Variants in ERI3 observed in about 807,000 individuals in gnomAD.
ERI3 encodes the protein ERI1 exoribonuclease family member 3.
ERI3 carries 18 observed loss-of-function variants against 44.4 expected under a neutral mutation model. The observed-to-expected ratio is 0.41, with a 90% CI of 0.28 to 0.60. ERI3 has a LOEUF of 0.60. ERI3 is among the 20% of genes least tolerant of loss of function. ERI3 has a pLI of 0.36. For synonymous variants in ERI3, 183 were observed against 164.8 expected, an observed-to-expected ratio of 1.11 and a Z score of -0.84; for missense variants, 294 against 435.5, an observed-to-expected ratio of 0.68 and a Z score of 2.89.
chr1:44,306,962 GC>G (rs1313086252), intron 6 of ERI3, among the ~76,000 whole-genome samples: 3 of 152,206 alleles, frequency 2.0e-5, no homozygotes, highest in Admixed American at 6.5e-5. Flanking sequence ...ACTCAAAGCT[GC>G]CCAGGACGCT....
At chr1:44,243,918 T>C (rs1259082472) in intron 8 of ERI3, 4 of 152,180 alleles carry the variant, frequency 2.6e-5, no homozygotes, top group East Asian at 1.9e-4. Flanking sequence ...TCAGATGGGC[T>C]TGGGTTTGAA....
chr1:44,344,124 G>C (rs887438825), intron 2 of ERI3, among the ~76,000 whole-genome samples: 1 of 151,804 alleles, frequency 6.6e-6, no homozygotes. Context: ...CTGTAATCCA[G>C]TGACTCAGGG....
rs958801889 is a variant in ERI3, at chr1:44,252,984, G to A, written c.832-4946C>T. ...CTTTAACCATACCTCTGGATGACTT[G>A]TCACCCTGCAGGTGATTGCTCAAGA... On this transcript the variant is annotated intron_variant, in intron 7 of 8. Coordinates refer to ENST00000372257, the MANE Select transcript of ERI3 (RefSeq NM_024066.3). This position sits in a 1 kb window ranked among gnomAD's most constrained non-coding sequence, Gnocchi z 4.7. Among the ~76,000 whole-genome samples the A allele has an allele frequency of 6.6e-6, 1 of 152,180 alleles. No individual in the cohort carries two copies. Among genetic ancestry groups the A allele is most frequent in the Non-Finnish European group, 1.5e-5 (1 of 68,038 alleles).
At chr1:44,277,961 T>C (rs1416349223) in intron 7 of ERI3, among the ~76,000 whole-genome samples, 8 of 152,218 alleles carry the variant, frequency 5.3e-5, no homozygotes, top group Admixed American at 2.0e-4. Flanking sequence ...GTGAGCCACA[T>C]ATGAAACTTA....
At chr1:44,293,029 G>A (rs1394570906) in intron 6 of ERI3, among the ~76,000 whole-genome samples, 3 of 152,264 alleles carry the variant, frequency 2.0e-5, no homozygotes, top group Admixed American at 6.5e-5. Context: ...GCCACTGCCT[G>A]TCAGGGAACA....
chr1:44,310,963 G>GCGCGCGCGCA (rs1373873768), intron 5 of ERI3, among the ~76,000 whole-genome samples: 4 of 123,200 alleles, frequency 3.2e-5, no homozygotes, highest in Admixed American at 7.9e-5. Flanking sequence ...GCGCGCGCGC[G>GCGCGCGCGCA]CACACACACA....
intron 7 of ERI3, among the ~76,000 whole-genome samples, chr1:44,278,403 G>C (rs577923439): frequency 6.6e-6 from 1 of 151,540 alleles, no homozygotes; most frequent in South Asian, 2.1e-4. Flanking sequence ...CTTGAACCCA[G>C]GAGGCAGAGG....
chr1:44,314,643 G>A (rs928148266), intron 4 of ERI3, among the ~76,000 whole-genome samples: 6 of 152,174 alleles, frequency 3.9e-5, no homozygotes, highest in Non-Finnish European at 5.9e-5. Flanking sequence ...GAGAAGAAAA[G>A]ATGGTCCGCT....
rs1646693887 is a variant in ERI3, at chr1:44,342,833, AT to A, written c.212-3512del. Among the ~76,000 whole-genome samples, 14 of 27,092 alleles carry A rather than the reference AT, an allele frequency of 5.2e-4. 1 individual carries two copies. The highest frequency in any genetic ancestry group is 9.9e-4 in the Admixed American group (2 of 2,020). 17.8% of individuals were successfully genotyped at this position (27,092 alleles called of 152,430 possible). On this transcript the variant is annotated intron_variant, in intron 2 of 8. Coordinates refer to ENST00000372257, the MANE Select transcript of ERI3 (RefSeq NM_024066.3). Reference sequence around the variant, plus strand: ...AGCTAATATATATATATATATATATATATATATATATATATATATATATATT... The same window carrying A: ...AGCTAATATATATATATATATATATAATATATATATATATATATATATATT...
At chr1:44,349,385 T>G (rs1253989520) in intron 2 of ERI3, among the ~76,000 whole-genome samples, 1 of 152,182 alleles carries the variant, frequency 6.6e-6, no homozygotes. Flanking sequence ...ACTCCTGACC[T>G]CCTGACCTCA....
chr1:44,279,922 G>C lies in ERI3; in HGVS notation c.831+4913C>G, dbSNP rs369268045. Among the ~76,000 whole-genome samples the C allele has an allele frequency of 2.8e-4, 42 of 152,242 alleles. 2 individuals carry two copies. The South Asian group carries it at 7.0e-3, about 26-fold the overall frequency. ...GCAATTTTGTTCACAAGAAACACTA[G>C]ATAAACACAGGAAACTATACCTCAC... On this transcript the variant is annotated intron_variant, in intron 7 of 8. Transcript: ENST00000372257.
intron 4 of ERI3, among the ~76,000 whole-genome samples, chr1:44,316,804 G>A (rs754159846): frequency 5.3e-5 from 8 of 152,012 alleles, no homozygotes; most frequent in Non-Finnish European, 8.8e-5. Flanking sequence ...AAGAAGACAT[G>A]GTTAGGGACT....
chr1:44,351,548 AG>A (rs1385308655), intron 2 of ERI3, among the ~76,000 whole-genome samples: 2 of 152,210 alleles, frequency 1.3e-5, no homozygotes, highest in Admixed American at 6.5e-5. Flanking sequence ...ATAACTGCAG[AG>A]TTTAGTAGAG....
intron 7 of ERI3, among the ~76,000 whole-genome samples, chr1:44,249,199 T>TTC (rs1471012612): frequency 2.0e-5 from 3 of 152,124 alleles, no homozygotes; most frequent in Non-Finnish European, 4.4e-5. Context: ...CAGGCTGCCC[T>TTC]TCTACCAGTG....
At chr1:44,268,175 C>T (rs755214028) in intron 7 of ERI3, among the ~76,000 whole-genome samples, 4 of 152,198 alleles carry the variant, frequency 2.6e-5, no homozygotes, top group Non-Finnish European at 4.4e-5. Context: ...CCCCATCTGC[C>T]TATTGACCCA....
chr1:44,292,085 A>G (rs1645518610), intron 6 of ERI3, among the ~76,000 whole-genome samples: 1 of 152,216 alleles, frequency 6.6e-6, no homozygotes, highest in South Asian at 2.1e-4. Context: ...GATTCTGGCT[A>G]TAAGGAGATC....
intron 6 of ERI3, among the ~76,000 whole-genome samples, chr1:44,307,751 G>C (rs1645870645): frequency 6.6e-6 from 1 of 152,178 alleles, no homozygotes; most frequent in Non-Finnish European, 1.5e-5. Flanking sequence ...CCACCACTGG[G>C]CTCCCAGTTG....
chr1:44,276,058 T>C (rs563984088), intron 7 of ERI3, among the ~76,000 whole-genome samples: 18 of 152,244 alleles, frequency 1.2e-4, no homozygotes, highest in African/African-American at 3.9e-4. Context: ...AGGAAGCAAG[T>C]TGAGACAGAG....
At chr1:44,273,544 G>A (rs988961402) in intron 7 of ERI3, among the ~76,000 whole-genome samples, 4 of 152,260 alleles carry the variant, frequency 2.6e-5, no homozygotes, top group Non-Finnish European at 4.4e-5. Context: ...ATTAATGCTT[G>A]TTGATGCCTA....
Sources: allele counts gnomAD v4.1 joint callset (sites outside exome capture counted in the v4.1 genomes callset), GRCh38; gene constraint gnomAD v4.1.1; non-coding constraint Gnocchi (gnomAD v3.1); transcripts MANE v1.5; gene names NCBI Gene and HGNC (gene_info 2026-07-23, HGNC 2026-07-21).